ATRN: variants seen among roughly 807,000 people sequenced by gnomAD.
The protein encoded by ATRN is attractin.
Under a neutral mutation model 178.7 loss-of-function variants are expected in ATRN, and 54 were observed. The observed-to-expected ratio is 0.30, with a 90% CI of 0.24 to 0.38. ATRN has a LOEUF of 0.38. ATRN is among the 10% of genes least tolerant of loss of function. The pLI is 1.00. For synonymous variants in ATRN, 636 were observed against 663.0 expected, an observed-to-expected ratio of 0.96 and a Z score of 0.63; for missense variants, 1,443 against 1,815.1, an observed-to-expected ratio of 0.79 and a Z score of 3.73.
At chr20:3,549,875 A>T (rs1008391472) in intron 6 of ATRN, among the ~76,000 whole-genome samples, 4 of 152,182 alleles carry the variant, frequency 2.6e-5, no homozygotes, top group Admixed American at 2.0e-4. Context: ...GGCATTTTCT[A>T]TTAATGAAGA....
Position 3,617,443 on chromosome 20 carries a change from A to G in ATRN, c.3802-7068A>G, listed in dbSNP as rs554193907. On this transcript the variant is annotated intron_variant, in intron 24 of 28. Coordinates refer to ENST00000262919, the MANE Select transcript of ATRN (RefSeq NM_139321.3). ...ATGAAACAAGGTTGGCCTTGAGCTG[A>G]TAATTTACTAAAGCAGGATGATGAG... is the stretch of plus-strand genomic sequence containing the variant. Among the ~76,000 whole-genome samples, 15 of 152,318 alleles carry G rather than the reference A, an allele frequency of 9.8e-5. No individual in the cohort carries two copies. The South Asian group carries it at 3.1e-3, about 32-fold the overall frequency.
chr20:3,565,993 C>G (rs186284308), intron 11 of ATRN, among the ~76,000 whole-genome samples: 7 of 152,182 alleles, frequency 4.6e-5, no homozygotes, highest in South Asian at 2.1e-4. Context: ...TGTTAGCACG[C>G]AAGAGCATGC....
chr20:3,597,071 T>TATATATATATATATATAA (rs11087589), intron 21 of ATRN, among the ~76,000 whole-genome samples: 37,787 of 133,492 alleles, frequency 0.28, 5,996 homozygotes, highest in African/African-American at 0.32. Flanking sequence ...TATATATATA[T>TATATATATATATATATAA]ATAAAACTTC....
chr20:3,637,602 A>G (rs1439597227), intron 26 of ATRN, among the ~76,000 whole-genome samples: 2 of 152,146 alleles, frequency 1.3e-5, no homozygotes, highest in African/African-American at 4.8e-5. Flanking sequence ...CCAAGGCATA[A>G]CCTCAAAGCT....
intron 6 of ATRN, among the ~76,000 whole-genome samples, chr20:3,557,245 G>A (rs533810337): frequency 2.0e-5 from 3 of 152,256 alleles, no homozygotes; most frequent in South Asian, 2.1e-4. Context: ...TAGAGGTTGC[G>A]GGTAGGCAGA....
At chr20:3,617,398 G>A (rs1418913164) in intron 24 of ATRN, among the ~76,000 whole-genome samples, 1 of 152,146 alleles carries the variant, frequency 6.6e-6, no homozygotes, top group Non-Finnish European at 1.5e-5. Flanking sequence ...ATGATCATAG[G>A]GAAAGTAAGT....
intron 28 of ATRN, 78 bp from the exon 29 acceptor site, chr20:3,646,641 AAAAT>A: frequency 6.8e-6 from 10 of 1,460,204 alleles, no homozygotes; most frequent in Admixed American, 2.7e-5. Context: ...ATGGGATTGA[AAAAT>A]AAATGTTTAA....
At chr20:3,490,280 G>T in intron 1 of ATRN, 1 of 1,219,786 alleles carries the variant, frequency 8.2e-7, no homozygotes, top group Non-Finnish European at 1.2e-6. Context: ...GGAGAAGGCG[G>T]AGAGGTCAAG....
rs910501250 is a variant in ATRN, at chr20:3,645,449, G to A, written c.4165+1181G>A. On this transcript the variant is annotated intron_variant, in intron 28 of 28. Transcript: ENST00000262919. The surrounding 1 kb of genome is among the most constrained non-coding windows in gnomAD (Gnocchi z 4.7). ...GACAACTCTCTCGTCTGTCACTCAA[G>A]TGCAGTTTGTGTCTCCTGCCACCGC... Among the ~76,000 whole-genome samples the A allele has an allele frequency of 5.3e-5, 8 of 152,332 alleles. No homozygotes were observed. Among genetic ancestry groups the A allele is most frequent in the African/African-American group, 1.9e-4 (8 of 41,566 alleles).
At chr20:3,575,051 A>G (rs1238689050) in intron 12 of ATRN, among the ~76,000 whole-genome samples, 1 of 150,588 alleles carries the variant, frequency 6.6e-6, no homozygotes, top group Admixed American at 6.6e-5. Context: ...TCCGCCTCCC[A>G]GGTCCTGATT....
intron 1 of ATRN, among the ~76,000 whole-genome samples, chr20:3,533,155 C>T (rs140607486): frequency 7.0e-4 from 106 of 152,354 alleles, no homozygotes; most frequent in African/African-American, 2.5e-3. Flanking sequence ...CTGCTGACCA[C>T]ATTCCCTGCT....
Position 3,646,777 on chromosome 20 carries a change from A to T in ATRN, c.4220A>T (p.Tyr1407Phe). ...ATTTCTCAGCAGATGCCGATAGTGTACAAGGAGAAGTCAGGAGCCGTGAGA... is the reference window on the plus strand; with the variant it reads ...ATTTCTCAGCAGATGCCGATAGTGTTCAAGGAGAAGTCAGGAGCCGTGAGA... ...VDISQQMPIV[Y>F]KEKSGAVRNR... Residue 1407 changes from tyrosine to phenylalanine, a missense_variant, in exon 29 of 29, where the codon TAC (tyrosine) becomes TTC (phenylalanine). Physicochemically the swap from Tyr to Phe is conservative, Grantham distance 22 (BLOSUM62 3). Transcript: ENST00000262919. 6.2e-7 allele frequency: 1 copy of T among 1,609,636 alleles called. No homozygotes were observed. Among genetic ancestry groups the T allele is most frequent in the Non-Finnish European group, 8.5e-7 (1 of 1,178,018 alleles).
At chr20:3,596,059 A>G (rs928579962) in intron 20 of ATRN, among the ~76,000 whole-genome samples, 1 of 152,258 alleles carries the variant, frequency 6.6e-6, no homozygotes, top group Non-Finnish European at 1.5e-5. Context: ...CTGCACTTTT[A>G]GAAGAATATG....
chr20:3,596,236 C>T (rs987852365), intron 20 of ATRN, 141 bp from the exon 21 acceptor site: 109 of 820,080 alleles, frequency 1.3e-4, no homozygotes, highest in Non-Finnish European at 3.5e-5. Context: ...TCCTAGACTG[C>T]CTGAGCTGAG....
chr20:3,471,044 A>G lies in ATRN; in HGVS notation c.-64A>G. 1 of 1,417,728 alleles carries G rather than the reference A, an allele frequency of 7.1e-7. No homozygotes were observed. 87.8% of individuals were successfully genotyped at this position (1,417,728 alleles called of 1,614,324 possible). On this transcript the variant is annotated 5_prime_UTR_variant, in exon 1 of 29. Coordinates refer to ENST00000262919, the MANE Select transcript of ATRN (RefSeq NM_139321.3). ...CAGCCCCGCCCCGCACGGCCAGGCG[A>G]AGCGGAGCCGGCCGTGCGGTGTGTG...
chr20:3,635,568 GT>G (rs1027961589), intron 26 of ATRN, among the ~76,000 whole-genome samples: 2 of 152,042 alleles, frequency 1.3e-5, no homozygotes, highest in East Asian at 1.9e-4. Flanking sequence ...GCTGTCTGGG[GT>G]TTTTTTGGAT....
chr20:3,546,424 C>T (rs528563158), intron 4 of ATRN, among the ~76,000 whole-genome samples: 1 of 135,532 alleles, frequency 7.4e-6, no homozygotes, highest in East Asian at 2.4e-4. Flanking sequence ...CGGAGTCTCA[C>T]TCTGTCACCT....
At chr20:3,619,268 G>T (rs1032931661) in intron 24 of ATRN, among the ~76,000 whole-genome samples, 3 of 152,322 alleles carry the variant, frequency 2.0e-5, no homozygotes, top group Admixed American at 6.5e-5. Flanking sequence ...AGCCCTTTCT[G>T]CAGTCCATGG....
At chr20:3,576,759 C>G (rs2086217863) in intron 13 of ATRN, 100 bp from the exon 14 acceptor site, 1 of 1,122,032 alleles carries the variant, frequency 8.9e-7, no homozygotes. Flanking sequence ...TTGCAGTTTG[C>G]TTCCTCAATT....
Sources: gnomAD v4.1 joint callset for allele counts (sites outside exome capture counted in the v4.1 genomes callset) on GRCh38, gnomAD v4.1.1 for gene constraint, Gnocchi (gnomAD v3.1) non-coding constraint, MANE v1.5 for transcripts, NCBI Gene and HGNC (gene_info 2026-07-23, HGNC 2026-07-21) for gene names.